Variants in SNRPN observed in about 807,000 individuals in gnomAD.
SNRPN encodes the protein small nuclear ribonucleoprotein-associated protein N.
SNRPN carries 7 observed loss-of-function variants against 25.2 expected under a neutral mutation model. The observed-to-expected ratio is 0.28, with a 90% CI of 0.16 to 0.52. The LOEUF is 0.52. Among genes scored for constraint, SNRPN ranks in the 20% least tolerant of loss-of-function variants. The probability of loss-of-function intolerance (pLI) is 0.96; values close to 1 mark genes in which losing one functional copy is unlikely to be tolerated. For synonymous variants in SNRPN, 124 were observed against 110.6 expected (o/e 1.12, Z -0.76); for missense variants, 196 against 322.5 (o/e 0.61, Z 3.00).
In SNRPN at chr15:24,962,881, A is replaced by G. The variant is rs545802261; in HGVS notation, c.-295+672A>G. Among the ~76,000 whole-genome samples the G allele has an allele frequency of 1.5e-4, 23 of 152,310 alleles. 1 individual carries two copies. In the South Asian group the frequency reaches 4.6e-3, roughly 30 times the overall value. The stretch of plus-strand genomic sequence containing the variant: ...GCCATTAAAATTTTGATCAGTAGGT[A>G]GCATTTTTTTCTTAGCTACAATTGT... On this transcript the variant is annotated intron_variant, in intron 2 of 9. Transcript: ENST00000390687.
intron 3 of SNRPN, among the ~76,000 whole-genome samples, chr15:24,924,190 G>T (rs2060234382): frequency 6.6e-6 from 1 of 151,752 alleles, no homozygotes; most frequent in Non-Finnish European, 1.5e-5. Context: ...ATGGACACAG[G>T]GACATCACAT....
intron 1 of SNRPN, among the ~76,000 whole-genome samples, chr15:24,867,687 C>G (rs2148461837): frequency 6.6e-6 from 1 of 151,962 alleles, no homozygotes; most frequent in Non-Finnish European, 1.5e-5. Flanking sequence ...AATAAGTTTT[C>G]TCTAGAGAAC....
intron 3 of SNRPN, among the ~76,000 whole-genome samples, chr15:24,928,738 A>G (rs530350362): frequency 1.3e-5 from 2 of 152,122 alleles, no homozygotes; most frequent in South Asian, 4.2e-4. Context: ...CAGCTTCTGG[A>G]GTAGCTACAG....
exon 3 of SNRPN, chr15:24,920,044 C>T (rs1206628312): frequency 6.6e-6 from 1 of 152,160 alleles, no homozygotes; most frequent in Non-Finnish European, 1.5e-5. Flanking sequence ...GCAACATTCC[C>T]TGAACATACT....
chr15:24,970,503 C>G (rs1476324804), intron 3 of SNRPN, among the ~76,000 whole-genome samples: 2 of 152,050 alleles, frequency 1.3e-5, no homozygotes, highest in East Asian at 3.9e-4. Context: ...TTCTTGAACC[C>G]TAGGGGCAGA....
intron 2 of SNRPN, chr15:24,909,397 A>G (rs900816320): frequency 1.9e-6 from 3 of 1,598,898 alleles, no homozygotes; most frequent in African/African-American, 2.7e-5. Flanking sequence ...AATAGCAGGT[A>G]AAGGCACTTG....
intron 3 of SNRPN, among the ~76,000 whole-genome samples, chr15:24,931,606 C>CG (rs985946026): frequency 4.6e-5 from 7 of 150,570 alleles, no homozygotes; most frequent in South Asian, 2.1e-4. Flanking sequence ...GGTGGAGGGG[C>CG]GGGGGGTGAA....
At chr15:24,937,299 A>G (rs974354558) in intron 3 of SNRPN, among the ~76,000 whole-genome samples, 1 of 152,102 alleles carries the variant, frequency 6.6e-6, no homozygotes, top group African/African-American at 2.4e-5. Context: ...AATTATTGAC[A>G]CTTTTTAGTA....
intron 1 of SNRPN, among the ~76,000 whole-genome samples, chr15:24,959,484 A>G (rs2074415300): frequency 6.6e-6 from 1 of 152,190 alleles, no homozygotes; most frequent in African/African-American, 2.4e-5. Flanking sequence ...AGAAAGTTGA[A>G]ATAATAGAAT....
Position 24,837,571 on chromosome 15 carries a change from G to T in SNRPN, c.-579+7666G>T, listed in dbSNP as rs376392434. Among the ~76,000 whole-genome samples, 639 of 151,584 alleles carry T rather than the reference G, an allele frequency of 4.2e-3. 9 individuals are homozygous for T. The highest frequency in any genetic ancestry group is 0.015 in the African/African-American group (621 of 41,254). ...TTTTTGGTAGAGACGGGGTTTCACC[G>T]TGTTAGCTAGGATGGTCTCGATCTC... On this transcript the variant is annotated intron_variant, in intron 2 of 12. Transcript: ENST00000400100.
intron 1 of SNRPN, among the ~76,000 whole-genome samples, chr15:24,860,078 C>A (rs2147113369): frequency 6.6e-6 from 1 of 152,280 alleles, no homozygotes; most frequent in South Asian, 2.1e-4. Flanking sequence ...TCATTTTACC[C>A]AGCCCTATTC....
intron 2 of SNRPN, chr15:24,848,307 T>G (rs2052439210): frequency 7.0e-6 from 1 of 142,476 alleles, no homozygotes; most frequent in South Asian, 1.9e-4. Context: ...GACTGGAGGA[T>G]TCGGTGTTGC....
chr15:24,860,616 C>T (rs2053905722), intron 1 of SNRPN, among the ~76,000 whole-genome samples: 3 of 152,136 alleles, frequency 2.0e-5, no homozygotes, highest in Admixed American at 2.0e-4. Context: ...GCCTATCATC[C>T]TTAAGTGTGC....
At chr15:24,870,317 GC>G (rs1188305211) in intron 1 of SNRPN, among the ~76,000 whole-genome samples, 3 of 152,126 alleles carry the variant, frequency 2.0e-5, no homozygotes, top group Non-Finnish European at 4.4e-5. Flanking sequence ...GGAGTAGTCA[GC>G]TGACAAAACA....
Position 24,915,466 on chromosome 15 carries a change from T to C in SNRPN, c.-504-4545T>C, listed in dbSNP as rs183909222. On this transcript the variant is annotated intron_variant, in intron 2 of 11. Transcript: ENST00000400097. ...GATAAACAGACTTCCTTGTTAAAAC[T>C]AGATTTTATAATGAGGTCCACAGAT... Among the ~76,000 whole-genome samples, 244 of 152,240 alleles carry C rather than the reference T, an allele frequency of 1.6e-3. 1 individual carries two copies. The highest frequency in any genetic ancestry group is 5.6e-3 in the African/African-American group (234 of 41,542).
At chr15:24,926,023 C>T (rs997306979) in intron 3 of SNRPN, among the ~76,000 whole-genome samples, 6 of 152,054 alleles carry the variant, frequency 3.9e-5, no homozygotes, top group East Asian at 1.9e-4. Context: ...CCTGAGCCAC[C>T]GTGCCCGGCC....
intron 2 of SNRPN, among the ~76,000 whole-genome samples, chr15:24,963,955 C>G (rs929147937): frequency 6.6e-6 from 1 of 151,950 alleles, no homozygotes; most frequent in African/African-American, 2.4e-5. Flanking sequence ...TCACTTGATC[C>G]CAGGAGGTTG....
chr15:24,867,714 T>C (rs1202581840), intron 1 of SNRPN, among the ~76,000 whole-genome samples: 1 of 152,136 alleles, frequency 6.6e-6, no homozygotes, highest in African/African-American at 2.4e-5. Context: ...TTAAGTCTTG[T>C]TTTTTGATCC....
chr15:24,850,822 G>C (rs187987979), intron 2 of SNRPN: 15 of 152,252 alleles, frequency 9.9e-5, no homozygotes, highest in African/African-American at 3.6e-4. Context: ...GCAAAAGGGA[G>C]CAAAAGAACC....
Sources: gnomAD v4.1 joint callset for allele counts (sites outside exome capture counted in the v4.1 genomes callset) on GRCh38, gnomAD v4.1.1 for gene constraint, MANE v1.5 for transcripts, NCBI Gene and HGNC (gene_info 2026-07-23, HGNC 2026-07-21) for gene names.